NLRP2: variants seen among roughly 807,000 people sequenced by gnomAD.
The protein encoded by NLRP2 is NACHT, LRR and PYD domains-containing protein 2.
NLRP2 carries 107 observed loss-of-function variants against 97.2 expected under a neutral mutation model. The ratio of observed to expected loss-of-function variants is 1.10; its 90% CI spans 0.94 to 1.29. NLRP2 has a LOEUF of 1.29. Among genes scored for constraint, NLRP2 ranks in the 50% most tolerant of loss-of-function variants. NLRP2 has a pLI of 0.00. For synonymous variants in NLRP2, 663 were observed against 551.5 expected (o/e 1.20, Z -2.83); for missense variants, 1,495 against 1,330.3 (o/e 1.12, Z -1.93).
Position 54,970,156 on chromosome 19 carries a change from A to G in NLRP2, c.141A>G (p.Val47=), listed in dbSNP as rs751390161. The G allele has an allele frequency of 6.2e-7, 1 of 1,614,156 alleles. No individual in the cohort carries two copies. Among genetic ancestry groups the G allele is most frequent in the South Asian group, 1.1e-5 (1 of 91,086 alleles). The change falls in exon 2 of 13, where the codon GTA becomes GTG. Residue 47 remains valine (V), a synonymous_variant. Coordinates refer to ENST00000448584, the MANE Select transcript of NLRP2 (RefSeq NM_017852.5). ...HELQKIPHKE[V]DKADGKQLVE... ...TCCAGAAGATCCCCCACAAGGAGGTAGACAAGGCTGATGGGAAGCAACTGG... is the reference window on the plus strand; with the variant it reads ...TCCAGAAGATCCCCCACAAGGAGGTGGACAAGGCTGATGGGAAGCAACTGG...
chr19:54,984,867 G>A (rs1300102581), intron 6 of NLRP2, among the ~76,000 whole-genome samples, 180 bp from the exon 7 acceptor site: 1 of 152,062 alleles, frequency 6.6e-6, no homozygotes, highest in Admixed American at 6.6e-5. Context: ...AGAAGAATAG[G>A]TTCTTTCTCC....
intron 12 of NLRP2, among the ~76,000 whole-genome samples, chr19:54,998,611 C>CTTTTTTTTTTTTTTTTTTCTTTTTT (rs2072984096): frequency 9.5e-5 from 4 of 42,218 alleles, no homozygotes; most frequent in East Asian, 6.7e-4. Context: ...CATCTTTTTT[C>CTTTTTTTTTTTTTTTTTTCTTTTTT]TTTTTTTTTT....
At chr19:54,974,980 T>C (rs2071103945) in intron 3 of NLRP2, among the ~76,000 whole-genome samples, 1 of 151,812 alleles carries the variant, frequency 6.6e-6, no homozygotes, top group Non-Finnish European at 1.5e-5. Flanking sequence ...TTTGTGGTGT[T>C]TGTAGAGATG....
chr19:54,970,166 G>A lies in NLRP2; in HGVS notation c.151G>A (p.Asp51Asn). The change falls in exon 2 of 13, where the codon GAT (aspartate) becomes AAT (asparagine). Residue 51 changes from aspartate to asparagine, a missense_variant. Coordinates refer to ENST00000448584, the MANE Select transcript of NLRP2 (RefSeq NM_017852.5). ...KIPHKEVDKA[D>N]GKQLVEILTT... Reference sequence around the variant, plus strand: ...CCCCCACAAGGAGGTAGACAAGGCTGATGGGAAGCAACTGGTAGAAATCCT... The same window carrying A: ...CCCCCACAAGGAGGTAGACAAGGCTAATGGGAAGCAACTGGTAGAAATCCT... 6.2e-7 allele frequency: 1 copy of A among 1,614,124 alleles called. No individual in the cohort carries two copies. Among genetic ancestry groups the A allele is most frequent in the Non-Finnish European group, 8.5e-7 (1 of 1,180,020 alleles).
At chr19:54,997,537 A>AG in intron 12 of NLRP2, 50 bp downstream of exon 12, 1 of 1,594,592 alleles carries the variant, frequency 6.3e-7, no homozygotes, top group Non-Finnish European at 8.6e-7. Flanking sequence ...TGGTAGGTTT[A>AG]GGGGAAGCAT....
intron 4 of NLRP2, among the ~76,000 whole-genome samples, chr19:54,979,194 AG>A (rs751256334): frequency 2.0e-5 from 3 of 151,972 alleles, no homozygotes; most frequent in Non-Finnish European, 4.4e-5. Context: ...CAGGGTAGCC[AG>A]GTTGGTCTAG....
chr19:54,968,877 A>G (rs2146328436), intron 1 of NLRP2, among the ~76,000 whole-genome samples: 2 of 151,390 alleles, frequency 1.3e-5, no homozygotes, highest in East Asian at 3.9e-4. Flanking sequence ...AATTTTTTGT[A>G]TTTTTAGTAG....
Position 54,984,485 on chromosome 19 carries a change from C to CT in NLRP2, c.2031-547dup, listed in dbSNP as rs36061621. On this transcript the variant is annotated intron_variant, in intron 6 of 12. Transcript: ENST00000448584. ...ATGTATAGATATGTATATTCCCAAT[C>CT]TTTTTTTTTTTTTTTGAGACGGAGT... Among the ~76,000 whole-genome samples, 230 of 76,920 alleles carry CT rather than the reference C, an allele frequency of 3.0e-3. 25 individuals are homozygous for CT. Among genetic ancestry groups the CT allele is most frequent in the East Asian group, 0.017 (57 of 3,354 alleles). 50.5% of individuals were successfully genotyped at this position (76,920 alleles called of 152,430 possible).
At chr19:54,978,271 G>A (rs1002716565) in intron 4 of NLRP2, among the ~76,000 whole-genome samples, 3 of 139,510 alleles carry the variant, frequency 2.2e-5, no homozygotes, top group Non-Finnish European at 3.0e-5. Context: ...TCTTGTTCTT[G>A]TCACCCAGGC....
chr19:54,992,573 G>GT (rs1401499772), intron 10 of NLRP2, among the ~76,000 whole-genome samples: 5 of 49,170 alleles, frequency 1.0e-4, no homozygotes, highest in African/African-American at 2.9e-4. Context: ...TTTTTTTTTT[G>GT]GTTTTTTTTT....
In NLRP2 at chr19:55,000,989, C is replaced by A; in HGVS notation, c.*91C>A. ...ACTCCTCTCCTCCCCGGCCCCTACC[C>A]CTCAGGGATAATGAGTTCATTGCTG... On this transcript the variant is annotated 3_prime_UTR_variant, in exon 13 of 13. Coordinates refer to ENST00000448584, the MANE Select transcript of NLRP2 (RefSeq NM_017852.5). 8.6e-7 allele frequency: 1 copy of A among 1,168,628 alleles called. No individual in the cohort carries two copies. The highest frequency in any genetic ancestry group is 1.3e-6 in the Non-Finnish European group (1 of 782,580). The allele number at this position is 1,168,628 out of a possible 1,614,324, so 72.4% of individuals were successfully genotyped here. A position where few individuals can be genotyped will look rare whatever the true frequency, so the allele number is the denominator to read the frequency against.
At chr19:54,987,052 T>C (rs1011345312) in intron 8 of NLRP2, among the ~76,000 whole-genome samples, 1 of 151,308 alleles carries the variant, frequency 6.6e-6, no homozygotes, top group Non-Finnish European at 1.5e-5. Flanking sequence ...ACCTGGTTAA[T>C]TTTTGTATTA....
At position 54,982,544 on chromosome 19, in the gene NLRP2, A is replaced by T; in HGVS notation, c.846A>T (p.Lys282Asn). 6.2e-7 allele frequency: 1 copy of T among 1,614,174 alleles called. No individual in the cohort carries two copies. The highest frequency in any genetic ancestry group is 1.1e-5 in the South Asian group (1 of 91,086). ...CACACATCCTAGCCCAAGCACGGAA[A>T]ATCTTGTTCGTGATTGACGGCTTTG... ...DIPHILAQAR[K>N]ILFVIDGFDE... The change falls in exon 6 of 13, where the codon AAA becomes AAT. Residue 282 changes from lysine (K) to asparagine (N), a missense_variant. Coordinates refer to ENST00000448584, the MANE Select transcript of NLRP2 (RefSeq NM_017852.5).
chr19:54,983,313 C>A lies in NLRP2; in HGVS notation c.1615C>A (p.Leu539Ile). 2 of 1,614,200 alleles carry A rather than the reference C, an allele frequency of 1.2e-6. No individual in the cohort carries two copies. The highest frequency in any genetic ancestry group is 1.7e-6 in the Non-Finnish European group (2 of 1,180,030). The change falls in exon 6 of 13, where the codon CTT (leucine) becomes ATT (isoleucine). Residue 539 changes from leucine (L) to isoleucine (I), a missense_variant. By Grantham distance (5) the Leu-to-Ile change is conservative. Transcript: ENST00000448584. Reference protein sequence around the residue: ...TWDIGDVQKLLSGVERLRNPD... With the variant: ...TWDIGDVQKLISGVERLRNPD... ...GGACATTGGGGACGTACAGAAGCTG[C>A]TTTCCGGAGTAGAAAGACTCAGGAA...
intron 12 of NLRP2, among the ~76,000 whole-genome samples, chr19:54,999,638 TTA>T (rs2073069405): frequency 7.1e-6 from 1 of 140,124 alleles, no homozygotes; most frequent in South Asian, 2.2e-4. Context: ...TAACCTGATG[TTA>T]TGTTTTTCTC....
intron 12 of NLRP2, among the ~76,000 whole-genome samples, chr19:55,000,268 G>T (rs1190016462): frequency 6.4e-5 from 4 of 62,574 alleles, no homozygotes; most frequent in Non-Finnish European, 1.2e-4. Flanking sequence ...CAGAGAGACT[G>T]TCTTTTTTTT....
chr19:54,980,557 G>A (rs189582455), intron 4 of NLRP2, among the ~76,000 whole-genome samples: 1 of 152,336 alleles, frequency 6.6e-6, no homozygotes, highest in East Asian at 1.9e-4. Flanking sequence ...GGAGAAAGTA[G>A]GAAAAGACAT....
chr19:54,975,835 CA>C (rs1030367561), intron 3 of NLRP2, among the ~76,000 whole-genome samples: 2 of 151,904 alleles, frequency 1.3e-5, no homozygotes, highest in African/African-American at 4.8e-5. Flanking sequence ...ATTGCAGCCT[CA>C]ACCTTCCAGG....
intron 11 of NLRP2, 38 bp downstream of exon 11, chr19:54,994,477 C>T: frequency 3.1e-6 from 5 of 1,602,242 alleles, no homozygotes; most frequent in Non-Finnish European, 4.3e-6. Context: ...TATACTTACA[C>T]CTTACTGAAT....
Sources: allele counts gnomAD v4.1 joint callset (sites outside exome capture counted in the v4.1 genomes callset), GRCh38; gene constraint gnomAD v4.1.1; transcripts MANE v1.5; gene names NCBI Gene and HGNC (gene_info 2026-07-23, HGNC 2026-07-21).